The following ADGRB3 variants were observed in gnomAD, a reference collection of about 807,000 sequenced individuals.
The protein encoded by ADGRB3 is brain-specific angiogenesis inhibitor 3.
ADGRB3 carries 37 observed loss-of-function variants against 193.4 expected under a neutral mutation model. The observed-to-expected ratio is 0.19, with a 90% CI of 0.15 to 0.25. The LOEUF (loss-of-function observed/expected upper bound fraction) is 0.25. ADGRB3 is among the 10% of genes least tolerant of loss of function. The probability of loss-of-function intolerance (pLI) is 1.00; values close to 1 mark genes in which losing one functional copy is unlikely to be tolerated. For synonymous variants in ADGRB3, 690 were observed against 644.2 expected, an observed-to-expected ratio of 1.07 and a Z score of -1.08; for missense variants, 1,637 against 1,852.9, an observed-to-expected ratio of 0.88 and a Z score of 2.14.
At chr6:68,774,694 A>G (rs1333528356) in intron 3 of ADGRB3, among the ~76,000 whole-genome samples, 1 of 152,026 alleles carries the variant, frequency 6.6e-6, no homozygotes, top group African/African-American at 2.4e-5. Flanking sequence ...ATTTGTTTCT[A>G]AAAAACATCC....
chr6:69,281,842 C>G (rs1369231216), intron 20 of ADGRB3, among the ~76,000 whole-genome samples: 2 of 152,188 alleles, frequency 1.3e-5, no homozygotes, highest in Admixed American at 1.3e-4. Flanking sequence ...ATTCATTAAA[C>G]TCAGCACAGT....
chr6:68,637,157 A>C (rs1485728407), intron 1 of ADGRB3, among the ~76,000 whole-genome samples: 1 of 152,048 alleles, frequency 6.6e-6, no homozygotes, highest in East Asian at 1.9e-4. Context: ...TGCTATATAG[A>C]GATTTAGAGT....
At chr6:69,238,491 T>G (rs897025987) in intron 19 of ADGRB3, among the ~76,000 whole-genome samples, 1 of 152,076 alleles carries the variant, frequency 6.6e-6, no homozygotes, top group Non-Finnish European at 1.5e-5. Context: ...TCCAGCCTAA[T>G]AGTGAATTAT....
chr6:69,173,874 G>GGTA (rs375621114), intron 17 of ADGRB3, among the ~76,000 whole-genome samples: 69 of 152,240 alleles, frequency 4.5e-4, no homozygotes, highest in African/African-American at 1.6e-3. Context: ...TTTATGACTG[G>GGTA]GTAGGAAAAG....
At chr6:69,142,786 G>T (rs1337737290) in intron 17 of ADGRB3, among the ~76,000 whole-genome samples, 2 of 152,172 alleles carry the variant, frequency 1.3e-5, no homozygotes, top group South Asian at 2.1e-4. Context: ...TCTGTGAGGG[G>T]TCTCTGCTGA....
At chr6:68,830,589 A>T (rs1767933464) in intron 3 of ADGRB3, among the ~76,000 whole-genome samples, 1 of 152,186 alleles carries the variant, frequency 6.6e-6, no homozygotes, top group African/African-American at 2.4e-5. Context: ...AACTGGCCAG[A>T]AATGATATAT....
chr6:68,704,250 A>G (rs887616039), intron 3 of ADGRB3, among the ~76,000 whole-genome samples: 8 of 152,154 alleles, frequency 5.3e-5, no homozygotes, highest in Admixed American at 2.6e-4. Context: ...AACCTAAAAT[A>G]CTGTATCTTT....
At chr6:68,855,369 A>T (rs2127392532) in intron 3 of ADGRB3, among the ~76,000 whole-genome samples, 1 of 152,234 alleles carries the variant, frequency 6.6e-6, no homozygotes, top group African/African-American at 2.4e-5. Context: ...GAGCTTTGTG[A>T]TCCATAAAAT....
chr6:69,243,109 A>G (rs1418931156), intron 20 of ADGRB3, among the ~76,000 whole-genome samples: 1 of 151,930 alleles, frequency 6.6e-6, no homozygotes, highest in Admixed American at 6.6e-5. Context: ...ATAGAAGACA[A>G]ATCTGGCAAA....
intron 11 of ADGRB3, among the ~76,000 whole-genome samples, chr6:69,006,137 T>A (rs751366316): frequency 9.2e-5 from 14 of 152,142 alleles, no homozygotes; most frequent in Non-Finnish European, 1.9e-4. Context: ...TCAAGATGAT[T>A]TCCATAATAA....
chr6:69,263,322 G>A (rs1766969382), intron 20 of ADGRB3, among the ~76,000 whole-genome samples: 1 of 151,936 alleles, frequency 6.6e-6, no homozygotes, highest in South Asian at 2.1e-4. Flanking sequence ...ATATATAATT[G>A]GTGATGATAC....
chr6:69,331,862 TGA>T (rs1186871570), intron 23 of ADGRB3: 1 of 984,534 alleles, frequency 1.0e-6, no homozygotes, highest in East Asian at 1.1e-4. Context: ...TTAGTTTAAA[TGA>T]GAGGTACATA....
At chr6:69,089,090 T>C (rs896124530) in intron 17 of ADGRB3, among the ~76,000 whole-genome samples, 1 of 152,244 alleles carries the variant, frequency 6.6e-6, no homozygotes, top group Non-Finnish European at 1.5e-5. Context: ...TGGAAGTTCT[T>C]TGAATCTCCA....
At chr6:69,333,861 C>T (rs1409174427) in intron 24 of ADGRB3, among the ~76,000 whole-genome samples, 3 of 150,568 alleles carry the variant, frequency 2.0e-5, no homozygotes, top group Non-Finnish European at 4.4e-5. Context: ...ACCTGGGAGG[C>T]GGAGCTTGCA....
At chr6:69,245,204 G>A (rs974723183) in intron 20 of ADGRB3, among the ~76,000 whole-genome samples, 3 of 151,830 alleles carry the variant, frequency 2.0e-5, no homozygotes, top group African/African-American at 7.3e-5. Flanking sequence ...GTCTCTATCA[G>A]GTATTGATCA....
chr6:68,663,385 A>T (rs1425370331), intron 3 of ADGRB3, among the ~76,000 whole-genome samples: 2 of 151,632 alleles, frequency 1.3e-5, no homozygotes, highest in Non-Finnish European at 3.0e-5. Flanking sequence ...ATACAAAATT[A>T]TATTCTAGTA....
intron 3 of ADGRB3, among the ~76,000 whole-genome samples, chr6:68,677,951 A>AT (rs924950739): frequency 7.2e-5 from 11 of 151,800 alleles, no homozygotes; most frequent in South Asian, 2.1e-4. Flanking sequence ...TTATTCATGA[A>AT]TTTTTTTTTA....
chr6:68,763,092 A>T lies in ADGRB3; in HGVS notation c.757+123660A>T, dbSNP rs554043150. 7.2e-5 allele frequency among the ~76,000 whole-genome samples: 11 copies of T among 152,108 alleles called. No homozygotes were observed. The South Asian group carries it at 2.3e-3, about 32-fold the overall frequency. On this transcript the variant is annotated intron_variant, in intron 3 of 31. Transcript: ENST00000370598. ...ACACATACATGTGTTCATTTAGGAG[A>T]TAAATTTTTCTTTTTTGAGATGGAG...
chr6:69,040,337 C>CTT (rs1377345240), intron 13 of ADGRB3, among the ~76,000 whole-genome samples: 1 of 49,224 alleles, frequency 2.0e-5, no homozygotes, highest in African/African-American at 6.1e-5. Flanking sequence ...TTCTTTCTTT[C>CTT]TTTCTTTCTT....
Sources: allele counts gnomAD v4.1 joint callset (sites outside exome capture counted in the v4.1 genomes callset), GRCh38; gene constraint gnomAD v4.1.1; transcripts MANE v1.5; gene names NCBI Gene and HGNC (gene_info 2026-07-23, HGNC 2026-07-21).